ARHGAP39: variants seen among roughly 807,000 people sequenced by gnomAD.
ARHGAP39 encodes rho GTPase-activating protein 39.
In ARHGAP39, 44 loss-of-function variants were observed where a neutral mutation model predicts 106.9. The observed-to-expected ratio is 0.41, with a 90% CI of 0.32 to 0.53. The LOEUF is 0.53. ARHGAP39 is among the 20% of genes least tolerant of loss of function. The pLI, the probability that ARHGAP39 is intolerant of heterozygous loss-of-function variation, is 0.21. For missense variants in ARHGAP39, 1,496 were observed against 1,577.3 expected (o/e 0.95, Z 0.87); for synonymous variants, 768 against 693.2 (o/e 1.11, Z -1.69).
At chr8:144,587,933 G>A (rs909646977) in intron 2 of ARHGAP39, among the ~76,000 whole-genome samples, 2 of 152,188 alleles carry the variant, frequency 1.3e-5, no homozygotes, top group Non-Finnish European at 2.9e-5. Context: ...GTGAGCCACC[G>A]CGCCCGGCCA....
At chr8:144,676,364 T>C (rs1822238615) in intron 1 of ARHGAP39, among the ~76,000 whole-genome samples, 1 of 152,008 alleles carries the variant, frequency 6.6e-6, no homozygotes, top group Non-Finnish European at 1.5e-5. Flanking sequence ...CCCACTAGAT[T>C]AGCTAGACAC....
intron 4 of ARHGAP39, among the ~76,000 whole-genome samples, chr8:144,551,008 T>C (rs2130851000): frequency 6.6e-6 from 1 of 152,372 alleles, no homozygotes; most frequent in East Asian, 1.9e-4. Context: ...AGTAAGGCCC[T>C]GAGTTCAGCA....
At chr8:144,545,902 G>T in intron 5 of ARHGAP39, 92 bp from the exon 6 acceptor site, 1 of 1,234,676 alleles carries the variant, frequency 8.1e-7, no homozygotes, top group Non-Finnish European at 1.1e-6. Context: ...GTGTGAGCTG[G>T]GGCCCCACCA....
chr8:144,672,208 A>G (rs1168226502), intron 1 of ARHGAP39, among the ~76,000 whole-genome samples: 1 of 152,256 alleles, frequency 6.6e-6, no homozygotes, highest in Non-Finnish European at 1.5e-5. Flanking sequence ...TTTATCAGCC[A>G]CACATGCAGC....
intron 1 of ARHGAP39, among the ~76,000 whole-genome samples, chr8:144,607,420 C>T (rs369663438): frequency 1.3e-5 from 2 of 152,250 alleles, no homozygotes; most frequent in East Asian, 1.9e-4. Flanking sequence ...CTTGGTGCCA[C>T]TTCGCCTGTA....
At chr8:144,562,640 G>C (rs1818239023) in intron 3 of ARHGAP39, among the ~76,000 whole-genome samples, 1 of 149,346 alleles carries the variant, frequency 6.7e-6, no homozygotes, top group Non-Finnish European at 1.5e-5. Context: ...TCGGACCCCA[G>C]TGGTTACCAT....
At chr8:144,612,171 G>T (rs1444463627) in intron 1 of ARHGAP39, among the ~76,000 whole-genome samples, 2 of 148,430 alleles carry the variant, frequency 1.3e-5, no homozygotes, top group South Asian at 2.2e-4. Context: ...ACAGAGTGAG[G>T]TGAGCCACGG....
At chr8:144,622,652 G>A (rs1451133776) in intron 1 of ARHGAP39, among the ~76,000 whole-genome samples, 3 of 152,224 alleles carry the variant, frequency 2.0e-5, no homozygotes, top group Non-Finnish European at 4.4e-5. Context: ...GCTTTGACCA[G>A]ACCTTTAATG....
At chr8:144,642,888 C>T (rs1427952971) in intron 1 of ARHGAP39, among the ~76,000 whole-genome samples, 1 of 152,128 alleles carries the variant, frequency 6.6e-6, no homozygotes, top group Non-Finnish European at 1.5e-5. Context: ...TGGCTCATGC[C>T]TGTGATCTCA....
intron 3 of ARHGAP39, among the ~76,000 whole-genome samples, chr8:144,556,988 G>C (rs1334717294): frequency 7.1e-6 from 1 of 141,750 alleles, no homozygotes; most frequent in Admixed American, 6.8e-5. Context: ...AACCTTCATA[G>C]TATTCAGAGG....
At chr8:144,697,047 G>A in the ARHGAP39 span, among the ~76,000 whole-genome samples, 7,629 of 152,078 alleles carry the variant, frequency 0.05, 627 homozygotes, top group East Asian at 0.36. Flanking sequence ...GATCCTGGTC[G>A]GGCGCGGTGG....
Position 144,547,993 on chromosome 8 carries a change from G to C in ARHGAP39, c.1093C>G (p.Pro365Ala), listed in dbSNP as rs778151738. ...PFLQPNKQGP[P>A]SPCQQLVLTK... ...AGCACCAGCTGCTGGCAGGGCGAGG[G>C]GGGGCCCTGCTTGTTGGGCTGGAGG... Residue 365 changes from proline to alanine, a missense_variant, in exon 5 of 12, where the codon CCC becomes GCC. Coordinates refer to ENST00000377307, the MANE Select transcript of ARHGAP39 (RefSeq NM_025251.3). The surrounding 1 kb of genome is among the most constrained non-coding windows in gnomAD (Gnocchi z 5.2). 85 of 1,610,134 alleles carry C rather than the reference G, an allele frequency of 5.3e-5. No homozygotes were observed. The highest frequency in any genetic ancestry group is 7.0e-5 in the Non-Finnish European group (82 of 1,179,140).
the ARHGAP39 span, among the ~76,000 whole-genome samples, chr8:144,691,887 G>T: frequency 6.6e-6 from 1 of 151,974 alleles, no homozygotes; most frequent in East Asian, 1.9e-4. Flanking sequence ...CAAGAAGCCG[G>T]CATTGACTAC....
intron 1 of ARHGAP39, among the ~76,000 whole-genome samples, chr8:144,678,881 C>T (rs111801317): frequency 2.0e-5 from 3 of 152,238 alleles, no homozygotes; most frequent in African/African-American, 7.2e-5. Flanking sequence ...TGGCTCAAGG[C>T]TGGGGCAGGA....
At chr8:144,540,171 A>C (rs1238525611) in intron 6 of ARHGAP39, among the ~76,000 whole-genome samples, 1 of 152,220 alleles carries the variant, frequency 6.6e-6, no homozygotes, top group African/African-American at 2.4e-5. Flanking sequence ...GCTGAGGCAG[A>C]AGGATCACTT....
intron 1 of ARHGAP39, among the ~76,000 whole-genome samples, chr8:144,637,408 G>C (rs918380262): frequency 6.6e-6 from 1 of 152,216 alleles, no homozygotes; most frequent in African/African-American, 2.4e-5. Context: ...TCAAGAGATT[G>C]AGATTATCCT....
chr8:144,535,568 CCAGGGCCTCAGCTCAGCAGCTGGGA>C (rs1816921688), intron 7 of ARHGAP39, among the ~76,000 whole-genome samples: 2 of 152,238 alleles, frequency 1.3e-5, no homozygotes, highest in South Asian at 4.1e-4. Context: ...CGGCAGAAAC[CCAGGGCCTCAGCTCAGCAGCTGGGA>C]CATGTAGTCA....
chr8:144,591,359 G>A lies in ARHGAP39; in HGVS notation c.81-10082C>T, dbSNP rs1469604033. 6.6e-6 allele frequency among the ~76,000 whole-genome samples: 1 copy of A among 152,182 alleles called. No homozygotes were observed. The highest frequency in any genetic ancestry group is 1.9e-4 in the East Asian group (1 of 5,194). On this transcript the variant is annotated intron_variant, in intron 2 of 11. Transcript: ENST00000377307. The surrounding 1 kb of genome is among the most constrained non-coding windows in gnomAD (Gnocchi z 5.3). ...AGGGCACCCAAGGAAACCCCAAGAAGGCACCTGCAAGCAGACATCTGCAGG... is the reference window on the plus strand; with the variant it reads ...AGGGCACCCAAGGAAACCCCAAGAAAGCACCTGCAAGCAGACATCTGCAGG...
At chr8:144,698,605 GT>G in the ARHGAP39 span, 327 of 262,110 alleles carry the variant, frequency 1.2e-3, no homozygotes, top group Middle Eastern at 4.6e-3. Flanking sequence ...TCTCTAATCT[GT>G]TTTTTTTTTG....
Sources: allele counts gnomAD v4.1 joint callset (sites outside exome capture counted in the v4.1 genomes callset), GRCh38; gene constraint gnomAD v4.1.1; non-coding constraint Gnocchi (gnomAD v3.1); transcripts MANE v1.5; gene names NCBI Gene and HGNC (gene_info 2026-07-23, HGNC 2026-07-21).